Variants in APLP2 observed in about 807,000 individuals in gnomAD.
APLP2 encodes amyloid beta precursor like protein 2, also known as CDEI box-binding protein.
In APLP2, 53 loss-of-function variants were observed where a neutral mutation model predicts 89.9. The ratio of observed to expected loss-of-function variants is 0.59; its 90% confidence interval spans 0.47 to 0.74. APLP2 has a LOEUF of 0.74. Among genes scored for constraint, APLP2 ranks in the 30% least tolerant of loss-of-function variants. The pLI is 0.00. For synonymous variants in APLP2, 372 were observed against 348.6 expected (o/e 1.07, Z -0.75); for missense variants, 973 against 975.9 (o/e 1.00, Z 0.04).
intron 1 of APLP2, among the ~76,000 whole-genome samples, chr11:130,103,951 A>G (rs1202390054): frequency 6.6e-6 from 1 of 152,202 alleles, no homozygotes; most frequent in Non-Finnish European, 1.5e-5. Context: ...TAGGAAGCAC[A>G]TTCCTTCCGA....
intron 1 of APLP2, among the ~76,000 whole-genome samples, chr11:130,090,890 G>A (rs1162516558): frequency 2.6e-5 from 3 of 117,414 alleles, no homozygotes; most frequent in Non-Finnish European, 6.0e-5. Flanking sequence ...GCCGGGCGGG[G>A]GGGCTGACCC....
chr11:130,121,868 A>G, intron 5 of APLP2, 58 bp downstream of exon 5: 1 of 1,572,978 alleles, frequency 6.4e-7, no homozygotes, highest in Non-Finnish European at 8.6e-7. Context: ...CCCTTCTGTA[A>G]AGACGGCTGT....
At chr11:130,120,676 A>T (rs1217338668) in intron 3 of APLP2, 30 bp from the exon 4 acceptor site, 1 of 1,535,108 alleles carries the variant, frequency 6.5e-7, no homozygotes, top group Admixed American at 1.7e-5. Context: ...TCATGGTCAG[A>T]TCCGCTCTGA....
chr11:130,083,577 GTAC>G (rs1339834829), intron 1 of APLP2, among the ~76,000 whole-genome samples: 1 of 152,176 alleles, frequency 6.6e-6, no homozygotes, highest in African/African-American at 2.4e-5. Context: ...GAATCATGCA[GTAC>G]TTGTCTTTTT....
chr11:130,092,671 G>C (rs2135563301), intron 1 of APLP2, among the ~76,000 whole-genome samples: 1 of 120,728 alleles, frequency 8.3e-6, no homozygotes, highest in Non-Finnish European at 1.7e-5. Flanking sequence ...GTACAGTCCA[G>C]CTTCAGCTCC....
At chr11:130,114,471 C>A (rs937311416) in intron 3 of APLP2, 4 of 152,198 alleles carry the variant, frequency 2.6e-5, no homozygotes, top group African/African-American at 9.7e-5. Flanking sequence ...TGTTTCATCA[C>A]CTGGCTAAGA....
intron 1 of APLP2, among the ~76,000 whole-genome samples, chr11:130,104,939 G>C (rs967971312): frequency 1.3e-5 from 2 of 152,162 alleles, no homozygotes; most frequent in Admixed American, 1.3e-4. Flanking sequence ...GTAGAAAGCA[G>C]GTTCATTTTA....
At chr11:130,115,281 A>T (rs976998311) in intron 3 of APLP2, among the ~76,000 whole-genome samples, 4 of 152,164 alleles carry the variant, frequency 2.6e-5, no homozygotes, top group Non-Finnish European at 5.9e-5. Flanking sequence ...ATATTTTGAT[A>T]CAGGCATATA....
chr11:130,083,464 C>T (rs1434327932), intron 1 of APLP2, among the ~76,000 whole-genome samples: 2 of 152,272 alleles, frequency 1.3e-5, no homozygotes, highest in East Asian at 1.9e-4. Context: ...TCTTGCAAAA[C>T]GGAAACTTTA....
intron 1 of APLP2, chr11:130,102,116 G>A (rs887312215): frequency 1.2e-5 from 4 of 322,672 alleles, no homozygotes; most frequent in African/African-American, 4.4e-5. Flanking sequence ...TTTTCACTTC[G>A]TTCAGTTTAG....
chr11:130,081,140 G>A (rs1437794675), intron 1 of APLP2, among the ~76,000 whole-genome samples: 2 of 151,978 alleles, frequency 1.3e-5, no homozygotes, highest in Admixed American at 1.3e-4. Context: ...TCCCCCTTAT[G>A]TGTGTATAAC....
chr11:130,077,548 C>CCCTTATGT (rs1262673770), intron 1 of APLP2, among the ~76,000 whole-genome samples: 2 of 151,714 alleles, frequency 1.3e-5, no homozygotes, highest in Non-Finnish European at 2.9e-5. Flanking sequence ...ACATGTAAAA[C>CCCTTATGT]AGACCCTTAT....
chr11:130,102,391 A>G (rs1947061076), intron 1 of APLP2, among the ~76,000 whole-genome samples: 1 of 152,228 alleles, frequency 6.6e-6, no homozygotes, highest in South Asian at 2.1e-4. Flanking sequence ...ACTGTGTTAC[A>G]TTGCCTTCGC....
intron 13 of APLP2, chr11:130,139,620 A>G (rs1674080391): frequency 6.6e-6 from 1 of 152,074 alleles, no homozygotes; most frequent in Non-Finnish European, 1.5e-5. Context: ...GGAGCGCCAC[A>G]CTCGAGTGAT....
At chr11:130,076,293 T>C (rs1244969955) in intron 1 of APLP2, among the ~76,000 whole-genome samples, 1 of 152,194 alleles carries the variant, frequency 6.6e-6, no homozygotes, top group Non-Finnish European at 1.5e-5. Flanking sequence ...CAGGCTGGTC[T>C]CGAACTCCTG....
At chr11:130,111,685 T>G (rs1948589715) in intron 3 of APLP2, among the ~76,000 whole-genome samples, 1 of 152,188 alleles carries the variant, frequency 6.6e-6, no homozygotes. Flanking sequence ...GGGCGTCATG[T>G]GTGCTTACCA....
intron 1 of APLP2, among the ~76,000 whole-genome samples, chr11:130,091,551 C>T (rs1945212111): frequency 1.4e-5 from 2 of 144,398 alleles, no homozygotes; most frequent in African/African-American, 2.6e-5. Flanking sequence ...GGCTGACCCC[C>T]CCACCTCCCT....
chr11:130,085,404 A>T (rs1448578734), intron 1 of APLP2, among the ~76,000 whole-genome samples: 1 of 152,026 alleles, frequency 6.6e-6, no homozygotes, highest in African/African-American at 2.4e-5. Flanking sequence ...GTGAGCTGAG[A>T]TTGTGCCAGT....
intron 1 of APLP2, among the ~76,000 whole-genome samples, chr11:130,079,674 T>G (rs557450604): frequency 6.6e-6 from 1 of 152,238 alleles, no homozygotes; most frequent in East Asian, 1.9e-4. Flanking sequence ...TTTTTCTGAG[T>G]ATATTCTGTG....
Sources: gnomAD v4.1 joint callset for allele counts (sites outside exome capture counted in the v4.1 genomes callset) on GRCh38, gnomAD v4.1.1 for gene constraint, MANE v1.5 for transcripts, NCBI Gene and HGNC (gene_info 2026-07-23, HGNC 2026-07-21) for gene names.